The following CWC27 variants were observed in gnomAD, a reference collection of about 807,000 sequenced individuals.
The protein encoded by CWC27 is spliceosome-associated protein CWC27 homolog.
In CWC27, 47 loss-of-function variants were observed where a neutral mutation model predicts 63.6. The ratio of observed to expected loss-of-function variants is 0.74; its 90% CI spans 0.58 to 0.94. CWC27 has a LOEUF of 0.94. CWC27 is among the 40% of genes least tolerant of loss of function. CWC27 has a pLI of 0.00. For synonymous variants in CWC27, 175 were observed against 179.8 expected, an observed-to-expected ratio of 0.97 and a Z score of 0.22; for missense variants, 495 against 554.3, an observed-to-expected ratio of 0.89 and a Z score of 1.07.
intron 11 of CWC27, among the ~76,000 whole-genome samples, 157 bp from the exon 12 acceptor site, chr5:64,971,546 C>G (rs1000678285): frequency 9.2e-5 from 14 of 152,152 alleles, no homozygotes; most frequent in African/African-American, 3.4e-4. Context: ...GAAGTAGTTA[C>G]AGAGCTGGTG....
At chr5:64,903,961 T>C (rs1747566687) in intron 11 of CWC27, among the ~76,000 whole-genome samples, 1 of 152,232 alleles carries the variant, frequency 6.6e-6, no homozygotes, top group African/African-American at 2.4e-5. Context: ...ACATTTTGTT[T>C]ATCTACTTCA....
chr5:64,897,238 T>C (rs1747400457), intron 11 of CWC27, among the ~76,000 whole-genome samples: 1 of 152,164 alleles, frequency 6.6e-6, no homozygotes, highest in Non-Finnish European at 1.5e-5. Flanking sequence ...TTACTGGGCA[T>C]ATACCCGAAA....
At chr5:64,927,098 G>A (rs1310586312) in intron 11 of CWC27, among the ~76,000 whole-genome samples, 1 of 152,106 alleles carries the variant, frequency 6.6e-6, no homozygotes, top group Non-Finnish European at 1.5e-5. Flanking sequence ...TGAGGTTGAT[G>A]TATTATTATT....
chr5:64,788,699 G>A (rs1743967712), intron 6 of CWC27, among the ~76,000 whole-genome samples: 1 of 151,890 alleles, frequency 6.6e-6, no homozygotes. Flanking sequence ...ATGCTCAGAA[G>A]GGATTTTTGG....
At chr5:64,907,673 T>G (rs187222646) in intron 11 of CWC27, among the ~76,000 whole-genome samples, 94 of 152,326 alleles carry the variant, frequency 6.2e-4, no homozygotes, top group African/African-American at 2.2e-3. Flanking sequence ...CCTGCCTGAT[T>G]GCCCTGGCCA....
intron 11 of CWC27, among the ~76,000 whole-genome samples, chr5:64,958,545 C>T (rs1748844416): frequency 6.6e-6 from 1 of 152,032 alleles, no homozygotes; most frequent in Non-Finnish European, 1.5e-5. Context: ...ATATAAAACT[C>T]CTAGATATGA....
chr5:64,843,617 T>C (rs1745901819), intron 10 of CWC27, among the ~76,000 whole-genome samples: 1 of 152,164 alleles, frequency 6.6e-6, no homozygotes, highest in Non-Finnish European at 1.5e-5. Flanking sequence ...GACATATCTA[T>C]ATCTAGTAGG....
At chr5:64,798,929 A>G (rs1204925593) in intron 7 of CWC27, among the ~76,000 whole-genome samples, 1 of 152,172 alleles carries the variant, frequency 6.6e-6, no homozygotes, top group African/African-American at 2.4e-5. Flanking sequence ...GGTGGTGAGC[A>G]TCTTCCCCCC....
intron 10 of CWC27, among the ~76,000 whole-genome samples, chr5:64,815,375 A>G (rs1317207289): frequency 6.6e-6 from 1 of 152,192 alleles, no homozygotes; most frequent in Non-Finnish European, 1.5e-5. Context: ...GCAGGAGGAA[A>G]AGAGTGATGA....
intron 13 of CWC27, 139 bp from the exon 14 acceptor site, chr5:65,018,020 G>T (rs1750079595): frequency 2.9e-6 from 2 of 701,046 alleles, no homozygotes; most frequent in Non-Finnish European, 4.5e-6. Flanking sequence ...TTTCCATGTG[G>T]TGTAAGCACC....
intron 12 of CWC27, among the ~76,000 whole-genome samples, chr5:64,973,524 A>G (rs1023669947): frequency 2.6e-5 from 4 of 152,252 alleles, no homozygotes; most frequent in African/African-American, 7.2e-5. Flanking sequence ...AGGAAAAGCC[A>G]TAACTGAATA....
intron 10 of CWC27, among the ~76,000 whole-genome samples, chr5:64,845,673 A>G (rs1167759628): frequency 6.6e-6 from 1 of 152,236 alleles, no homozygotes; most frequent in African/African-American, 2.4e-5. Context: ...ATTTGATATT[A>G]TCCAGTTAGA....
At chr5:64,852,083 C>T (rs1368473989) in intron 10 of CWC27, among the ~76,000 whole-genome samples, 1 of 152,134 alleles carries the variant, frequency 6.6e-6, no homozygotes, top group Non-Finnish European at 1.5e-5. Flanking sequence ...CTTTCTACTA[C>T]TAGTAGATAA....
intron 6 of CWC27, among the ~76,000 whole-genome samples, chr5:64,788,423 C>CA (rs1743959040): frequency 1.3e-5 from 2 of 151,882 alleles, no homozygotes; most frequent in African/African-American, 4.8e-5. Flanking sequence ...TTTGATGAAT[C>CA]AGAGGAGACA....
intron 11 of CWC27, among the ~76,000 whole-genome samples, chr5:64,904,105 A>C (rs1400719546): frequency 6.6e-6 from 1 of 152,184 alleles, no homozygotes; most frequent in Non-Finnish European, 1.5e-5. Flanking sequence ...TGCTTCTACA[A>C]ACAGTTTAAG....
chr5:64,956,439 C>T (rs1349229909), intron 11 of CWC27, among the ~76,000 whole-genome samples: 1 of 151,994 alleles, frequency 6.6e-6, no homozygotes, highest in East Asian at 1.9e-4. Flanking sequence ...CCTGTATTTC[C>T]TTTGGTTGTT....
At chr5:64,988,017 TC>T (rs1401366839) in intron 13 of CWC27, among the ~76,000 whole-genome samples, 1 of 152,184 alleles carries the variant, frequency 6.6e-6, no homozygotes, top group Non-Finnish European at 1.5e-5. Context: ...TATTTTATCC[TC>T]AACACATTCC....
intron 11 of CWC27, among the ~76,000 whole-genome samples, chr5:64,921,662 G>A (rs555497243): frequency 6.6e-6 from 1 of 151,944 alleles, no homozygotes; most frequent in African/African-American, 2.4e-5. Flanking sequence ...TTACATTCAG[G>A]GTCAATATTG....
chr5:64,931,877 A>T (rs1748243578), intron 11 of CWC27, among the ~76,000 whole-genome samples: 1 of 152,078 alleles, frequency 6.6e-6, no homozygotes, highest in Non-Finnish European at 1.5e-5. Flanking sequence ...GATTTATAGT[A>T]GTCATTGAAT....
Sources: allele counts gnomAD v4.1 joint callset (sites outside exome capture counted in the v4.1 genomes callset), GRCh38; gene constraint gnomAD v4.1.1; transcripts MANE v1.5; gene names NCBI Gene and HGNC (gene_info 2026-07-23, HGNC 2026-07-21).